The following IQCJ variants were observed in gnomAD, a reference collection of about 807,000 sequenced individuals.
IQCJ encodes the protein IQ motif containing J.
Under a neutral mutation model 11.0 loss-of-function variants are expected in IQCJ, and 9 were observed. That is an observed-to-expected ratio of 0.82 (90% CI 0.49 to 1.43). The LOEUF is 1.43. Ranked by LOEUF, IQCJ falls within the 40% of genes most tolerant of loss-of-function variation. IQCJ has a pLI of 0.00. For missense variants in IQCJ, 146 were observed against 133.2 expected (o/e 1.10, Z -0.47); for synonymous variants, 55 against 51.3 (o/e 1.07, Z -0.31).
intron 1 of IQCJ, among the ~76,000 whole-genome samples, chr3:159,117,310 CA>C (rs1719089897): frequency 6.6e-6 from 1 of 152,154 alleles, no homozygotes; most frequent in Non-Finnish European, 1.5e-5. Context: ...GGAAGCCGGG[CA>C]ACTACTAGTT....
intron 1 of IQCJ, among the ~76,000 whole-genome samples, chr3:159,211,321 C>G (rs1363263974): frequency 6.6e-6 from 1 of 152,160 alleles, no homozygotes; most frequent in African/African-American, 2.4e-5. Flanking sequence ...TCCTAGCCAA[C>G]TTGAAAAGCA....
At chr3:159,192,966 C>G (rs1355860032) in intron 1 of IQCJ, among the ~76,000 whole-genome samples, 1 of 152,178 alleles carries the variant, frequency 6.6e-6, no homozygotes, top group Non-Finnish European at 1.5e-5. Flanking sequence ...CACCATTTAC[C>G]TCCTCTAAGA....
chr3:159,086,186 T>G (rs1381761624), intron 1 of IQCJ, among the ~76,000 whole-genome samples: 5 of 152,166 alleles, frequency 3.3e-5, no homozygotes, highest in African/African-American at 4.8e-5. Flanking sequence ...CCTTTCCCCA[T>G]TGCTTGTTTT....
At chr3:159,149,600 T>A (rs1156930664) in intron 1 of IQCJ, among the ~76,000 whole-genome samples, 1 of 152,176 alleles carries the variant, frequency 6.6e-6, no homozygotes, top group African/African-American at 2.4e-5. Flanking sequence ...ATAATGGGAA[T>A]ATGATATTCC....
At chr3:159,090,289 A>T (rs1444666022) in intron 1 of IQCJ, among the ~76,000 whole-genome samples, 1 of 151,790 alleles carries the variant, frequency 6.6e-6, no homozygotes, top group East Asian at 1.9e-4. Context: ...GCCCGTTCTC[A>T]GATCTCCAGC....
chr3:159,202,632 T>C (rs1321908605), intron 1 of IQCJ, among the ~76,000 whole-genome samples: 1 of 152,160 alleles, frequency 6.6e-6, no homozygotes, highest in East Asian at 1.9e-4. Context: ...GAATGTTCTA[T>C]AGTGGCAAGC....
chr3:159,072,495 A>G (rs1715638117), intron 1 of IQCJ, among the ~76,000 whole-genome samples: 1 of 152,112 alleles, frequency 6.6e-6, no homozygotes, highest in Admixed American at 6.6e-5. Context: ...AAAAAATTAC[A>G]GAGTTGGGCT....
At chr3:159,131,692 A>C (rs1157494572) in intron 1 of IQCJ, among the ~76,000 whole-genome samples, 6 of 152,086 alleles carry the variant, frequency 3.9e-5, no homozygotes, top group African/African-American at 1.4e-4. Flanking sequence ...GCACCTCTGC[A>C]CTCCTTTCAT....
chr3:159,209,065 C>T (rs940204751), intron 1 of IQCJ, among the ~76,000 whole-genome samples: 1 of 152,180 alleles, frequency 6.6e-6, no homozygotes, highest in African/African-American at 2.4e-5. Flanking sequence ...AAATTCACAT[C>T]CCTGTTTTCC....
chr3:159,077,280 G>A (rs1174971408), intron 1 of IQCJ, among the ~76,000 whole-genome samples: 1 of 152,010 alleles, frequency 6.6e-6, no homozygotes, highest in Non-Finnish European at 1.5e-5. Context: ...AGCTTTAGAT[G>A]GTAATTTGCA....
chr3:159,137,492 T>C (rs1040907040), intron 1 of IQCJ, among the ~76,000 whole-genome samples: 5 of 152,190 alleles, frequency 3.3e-5, no homozygotes, highest in Admixed American at 2.6e-4. Flanking sequence ...TTCCCTTGAA[T>C]TTTCAGATTT....
rs533303734 is a variant in IQCJ at position 159,198,712 on chromosome 3, T to C, written c.10-47131T>C. The stretch of plus-strand genomic sequence containing the variant: ...CTTCTTTTTGCTGTATTAGACAAGA[T>C]AATCAAGCAAAAATTGGTTGGTATG... On this transcript the variant is annotated intron_variant, in intron 1 of 3. Transcript: ENST00000397832. 9.9e-5 allele frequency among the ~76,000 whole-genome samples: 15 copies of C among 152,236 alleles called. No homozygotes were observed. In the South Asian group the frequency reaches 3.1e-3, roughly 32 times the overall value.
At chr3:159,182,775 TA>T (rs199866650) in intron 1 of IQCJ, among the ~76,000 whole-genome samples, 7,255 of 137,190 alleles carry the variant, frequency 0.053, 694 homozygotes, top group African/African-American at 0.19. Context: ...TATTTTTATT[TA>T]TTTTATTTTT....
chr3:159,133,759 G>A (rs926719524), intron 1 of IQCJ, among the ~76,000 whole-genome samples: 1 of 152,180 alleles, frequency 6.6e-6, no homozygotes. Context: ...TTAGTAGAGT[G>A]GAAGGCACTG....
At chr3:159,238,102 T>C (rs1726696953) in intron 1 of IQCJ, among the ~76,000 whole-genome samples, 1 of 152,056 alleles carries the variant, frequency 6.6e-6, no homozygotes, top group Admixed American at 6.6e-5. Context: ...AGGGTAGGTC[T>C]TGGAGGGGTG....
chr3:159,196,288 G>T (rs1723978860), intron 1 of IQCJ, among the ~76,000 whole-genome samples: 1 of 152,098 alleles, frequency 6.6e-6, no homozygotes, highest in Non-Finnish European at 1.5e-5. Context: ...ATAAAAAAAG[G>T]ACTTTGTTAG....
intron 1 of IQCJ, among the ~76,000 whole-genome samples, chr3:159,073,651 C>G (rs910784526): frequency 3.3e-5 from 5 of 152,094 alleles, no homozygotes; most frequent in Admixed American, 2.0e-4. Flanking sequence ...TCCCACTAGT[C>G]TCTTTGCTCC....
At chr3:159,096,453 T>G (rs1291121927) in intron 1 of IQCJ, among the ~76,000 whole-genome samples, 1 of 134,026 alleles carries the variant, frequency 7.5e-6, no homozygotes, top group Admixed American at 7.7e-5. Flanking sequence ...GCCTATGTCC[T>G]GAATGGTAAT....
At chr3:159,146,211 T>G (rs1300172877) in intron 1 of IQCJ, among the ~76,000 whole-genome samples, 2 of 152,166 alleles carry the variant, frequency 1.3e-5, no homozygotes, top group Non-Finnish European at 1.5e-5. Flanking sequence ...ACTTGGGACA[T>G]GGTGTTAGCT....
Sources: allele counts gnomAD v4.1 joint callset (sites outside exome capture counted in the v4.1 genomes callset), GRCh38; gene constraint gnomAD v4.1.1; transcripts MANE v1.5; gene names NCBI Gene and HGNC (gene_info 2026-07-23, HGNC 2026-07-21).